The following FRMD4A variants were observed in gnomAD, a reference collection of about 807,000 sequenced individuals.
The protein encoded by FRMD4A is FERM domain-containing protein 4A.
FRMD4A carries 29 observed loss-of-function variants against 129.1 expected under a neutral mutation model. The observed-to-expected ratio is 0.22, with a 90% CI of 0.17 to 0.31. The LOEUF is 0.31. Among genes scored for constraint, FRMD4A ranks in the 10% least tolerant of loss-of-function variants. The probability of loss-of-function intolerance (pLI) is 1.00; values close to 1 mark genes in which losing one functional copy is unlikely to be tolerated. For missense variants in FRMD4A, 1,272 were observed against 1,375.8 expected, an observed-to-expected ratio of 0.92 and a Z score of 1.19; for synonymous variants, 634 against 571.6, an observed-to-expected ratio of 1.11 and a Z score of -1.56.
intron 2 of FRMD4A, among the ~76,000 whole-genome samples, chr10:14,260,243 C>T (rs1400740965): frequency 2.6e-5 from 4 of 152,050 alleles, no homozygotes; most frequent in South Asian, 2.1e-4. Flanking sequence ...TTGTACTGCA[C>T]GGACTCTCAT....
chr10:14,180,277 G>A lies in FRMD4A; in HGVS notation c.45+149781C>T, dbSNP rs910757308. 3.3e-5 allele frequency among the ~76,000 whole-genome samples: 5 copies of A among 152,308 alleles called. No homozygotes were observed. The South Asian group carries it at 8.3e-4, about 25-fold the overall frequency. ...TCCCATTTAACATATGATGACCTGA[G>A]ATTGAGAGCATTAAGTATGGTAGTA... is the stretch of plus-strand genomic sequence containing the variant. On this transcript the variant is annotated intron_variant, in intron 2 of 24. Coordinates refer to ENST00000357447, the MANE Select transcript of FRMD4A (RefSeq NM_018027.5).
intron 2 of FRMD4A, among the ~76,000 whole-genome samples, chr10:13,920,063 C>T (rs1746125743): frequency 6.6e-6 from 1 of 152,210 alleles, no homozygotes; most frequent in Non-Finnish European, 1.5e-5. Flanking sequence ...CTATATCCCC[C>T]ACCACAGTCC....
intron 2 of FRMD4A, among the ~76,000 whole-genome samples, chr10:14,033,061 C>G (rs960968407): frequency 1.3e-5 from 2 of 152,098 alleles, no homozygotes; most frequent in Non-Finnish European, 2.9e-5. Flanking sequence ...AATCCCAGCA[C>G]TTTGGGATGC....
intron 6 of FRMD4A, among the ~76,000 whole-genome samples, chr10:13,764,886 C>T (rs146188109): frequency 2.0e-4 from 31 of 152,178 alleles, no homozygotes; most frequent in Non-Finnish European, 4.0e-4. Context: ...AGGGACTTTG[C>T]AAAACCACAG....
chr10:14,141,179 A>G (rs1839817260), intron 2 of FRMD4A, among the ~76,000 whole-genome samples: 1 of 152,138 alleles, frequency 6.6e-6, no homozygotes, highest in Non-Finnish European at 1.5e-5. Flanking sequence ...GTAGCCTTGG[A>G]AATGGGTAGA....
intron 2 of FRMD4A, among the ~76,000 whole-genome samples, chr10:14,100,603 G>A (rs116044175): frequency 0.017 from 2,557 of 151,968 alleles, 99 homozygotes; most frequent in African/African-American, 0.059. Flanking sequence ...TATACTTGCC[G>A]GCCTTAGGAT....
chr10:14,287,119 A>C (rs182944571), intron 2 of FRMD4A, among the ~76,000 whole-genome samples: 1 of 134,660 alleles, frequency 7.4e-6, no homozygotes, highest in African/African-American at 3.0e-5. Flanking sequence ...TCTTGCTGCC[A>C]TCTTGCTCTT....
At chr10:14,270,807 A>G (rs1183427679) in intron 2 of FRMD4A, among the ~76,000 whole-genome samples, 1 of 152,248 alleles carries the variant, frequency 6.6e-6, no homozygotes, top group African/African-American at 2.4e-5. Context: ...TCACAAAAAC[A>G]TCACCAAACT....
intron 2 of FRMD4A, among the ~76,000 whole-genome samples, chr10:13,961,875 T>A (rs1479372591): frequency 6.6e-6 from 1 of 152,236 alleles, no homozygotes; most frequent in African/African-American, 2.4e-5. Context: ...TAGCTCAATG[T>A]CTAGCACATA....
At chr10:14,004,428 G>C (rs1393820560) in intron 2 of FRMD4A, among the ~76,000 whole-genome samples, 1 of 152,172 alleles carries the variant, frequency 6.6e-6, no homozygotes, top group Non-Finnish European at 1.5e-5. Context: ...TGTAATACCA[G>C]TTGCTCTGGA....
intron 5 of FRMD4A, among the ~76,000 whole-genome samples, chr10:13,786,338 C>T: frequency 6.6e-6 from 1 of 152,210 alleles, no homozygotes; most frequent in East Asian, 1.9e-4. Flanking sequence ...TATATCGTAG[C>T]TCATGCCTGT....
chr10:13,840,579 AG>A (rs112976668), intron 3 of FRMD4A, among the ~76,000 whole-genome samples: 78,224 of 149,900 alleles, frequency 0.52, 20,172 homozygotes, highest in East Asian at 0.59. Flanking sequence ...ACTTGAGGTC[AG>A]GAGTTCAAAA....
intron 2 of FRMD4A, among the ~76,000 whole-genome samples, chr10:14,221,464 C>T (rs546842432): frequency 5.3e-5 from 8 of 152,262 alleles, no homozygotes; most frequent in South Asian, 4.2e-4. Flanking sequence ...CCCTGAATGG[C>T]GTGATCTGGA....
At chr10:13,752,533 C>T (rs1564743397) in intron 8 of FRMD4A, among the ~76,000 whole-genome samples, 3 of 152,284 alleles carry the variant, frequency 2.0e-5, no homozygotes, top group Admixed American at 1.3e-4. Flanking sequence ...ACAGAATAGG[C>T]TTAGCGTGAA....
intron 6 of FRMD4A, among the ~76,000 whole-genome samples, chr10:13,774,187 A>G (rs1489543161): frequency 1.3e-5 from 2 of 152,104 alleles, no homozygotes; most frequent in African/African-American, 2.4e-5. Context: ...TCTCATATCC[A>G]TATTTTAATT....
chr10:13,855,568 C>T (rs2094201874), intron 3 of FRMD4A, among the ~76,000 whole-genome samples: 1 of 152,188 alleles, frequency 6.6e-6, no homozygotes, highest in African/African-American at 2.4e-5. Context: ...CCCATTTCTA[C>T]AGCTCCAGGT....
intron 2 of FRMD4A, among the ~76,000 whole-genome samples, chr10:14,086,270 G>T (rs1033634389): frequency 2.6e-5 from 4 of 152,164 alleles, no homozygotes; most frequent in Admixed American, 2.6e-4. Context: ...TCTTTCAAAT[G>T]TACAAGCCCA....
At chr10:13,807,294 T>C (rs1343006) in intron 4 of FRMD4A, among the ~76,000 whole-genome samples, 150,496 of 152,318 alleles carry the variant, frequency 0.99, 74,382 homozygotes, top group Non-Finnish European at 1. Context: ...CAAACGAATC[T>C]TGTACAGAAG....
intron 2 of FRMD4A, among the ~76,000 whole-genome samples, chr10:13,864,150 C>A (rs1020144972): frequency 5.3e-5 from 8 of 151,788 alleles, no homozygotes; most frequent in Admixed American, 3.9e-4. Context: ...TGCCTGCCAA[C>A]ACGCTCCTGT....
Sources: gnomAD v4.1 joint callset for allele counts (sites outside exome capture counted in the v4.1 genomes callset) on GRCh38, gnomAD v4.1.1 for gene constraint, MANE v1.5 for transcripts, NCBI Gene and HGNC (gene_info 2026-07-23, HGNC 2026-07-21) for gene names.